Variants in GAB3 observed in about 807,000 individuals in gnomAD.
GAB3 encodes GRB2-associated-binding protein 3.
GAB3 carries 12 observed loss-of-function variants against 40.4 expected under a neutral mutation model. The observed-to-expected ratio is 0.30, with a 90% CI of 0.19 to 0.48. The LOEUF (loss-of-function observed/expected upper bound fraction) is 0.48. GAB3 is among the 20% of genes least tolerant of loss of function. The pLI, the probability that GAB3 is intolerant of heterozygous loss-of-function variation, is 0.99. For missense variants in GAB3, 381 were observed against 461.9 expected (o/e 0.82, Z 1.61); for synonymous variants, 154 against 176.7 (o/e 0.87, Z 1.02).
At chrX:154,701,107 T>C (rs1557252150) in intron 4 of GAB3, among the ~76,000 whole-genome samples, 1 of 111,849 alleles carries the variant, frequency 8.9e-6, no homozygotes, top group Non-Finnish European at 1.9e-5. Context: ...CACCATGTAT[T>C]AGCTGTATGG....
intron 1 of GAB3, among the ~76,000 whole-genome samples, chrX:154,741,424 T>C (rs1005767572): frequency 9.0e-5 from 10 of 110,985 alleles, no homozygotes; most frequent in African/African-American, 3.3e-4. Flanking sequence ...ACACCTGTAA[T>C]CCCAGCACTT....
intron 8 of GAB3, among the ~76,000 whole-genome samples, chrX:154,688,629 T>C (rs1019567321): frequency 9.0e-6 from 1 of 111,518 alleles, no homozygotes; most frequent in Admixed American, 9.6e-5. Context: ...CAAAACTCAA[T>C]GTAAGAAAAC....
chrX:154,746,069 AAAAG>A (rs1204777489), intron 1 of GAB3, among the ~76,000 whole-genome samples: 1,307 of 109,149 alleles, frequency 0.012, 23 homozygotes, highest in African/African-American at 0.041. Flanking sequence ...AAAAAAAAAA[AAAAG>A]AAAGAAAGAA....
At chrX:154,687,840 A>G (rs1005038480) in intron 8 of GAB3, among the ~76,000 whole-genome samples, 2 of 110,795 alleles carry the variant, frequency 1.8e-5, no homozygotes, top group Non-Finnish European at 1.9e-5. Flanking sequence ...ATAGGCAAAG[A>G]GACAATGGAA....
chrX:154,715,896 G>C (rs2071038545), intron 2 of GAB3, 130 bp downstream of exon 2: 1 of 618,045 alleles, frequency 1.6e-6, no homozygotes. Flanking sequence ...GGTAGGAACA[G>C]TTCTGATATA....
chrX:154,676,656 T>G lies in GAB3; in HGVS notation c.*1522A>C, dbSNP rs1156903893. On this transcript the variant is annotated 3_prime_UTR_variant, in exon 10 of 10. Coordinates refer to ENST00000424127, the MANE Select transcript of GAB3 (RefSeq NM_001081573.3). ...CTTGTATGGTCTGAAAAAAGAAGAC[T>G]TTGGCATTCACTTACCTGTGGGGTG... 2 of 112,235 alleles carry G rather than the reference T, an allele frequency of 1.8e-5. No homozygotes were observed. Among genetic ancestry groups the G allele is most frequent in the Non-Finnish European group, 3.8e-5 (2 of 53,203 alleles). The allele number at this position is 112,235 out of a possible 1,213,427, so 9.2% of individuals were successfully genotyped here. A position where few individuals can be genotyped will look rare whatever the true frequency, so the allele number is the denominator to read the frequency against.
chrX:154,707,170 AT>A (rs781788470), intron 4 of GAB3, among the ~76,000 whole-genome samples: 15 of 111,322 alleles, frequency 1.3e-4, no homozygotes, highest in African/African-American at 3.3e-4. Flanking sequence ...ATGAACACAG[AT>A]TTTTTTTGAA....
Position 154,713,537 on chromosome X carries a change from T to A in GAB3, c.377-111A>T, listed in dbSNP as rs2070990634. The A allele has an allele frequency of 2.3e-5, 13 of 556,722 alleles. No homozygotes were observed. The South Asian group carries it at 3.7e-4, about 16-fold the overall frequency. The allele number at this position is 556,722 out of a possible 1,213,427, so 45.9% of individuals were successfully genotyped here. ...CAGAAGATGCAAATCACAGCTGGTG[T>A]TTGTACTGATGGAGAAGACCATTTC... is the stretch of plus-strand genomic sequence containing the variant. On this transcript the variant is annotated intron_variant, in intron 2 of 9. Coordinates refer to ENST00000424127, the MANE Select transcript of GAB3 (RefSeq NM_001081573.3).
At chrX:154,729,391 C>A (rs1195942482) in intron 1 of GAB3, among the ~76,000 whole-genome samples, 1 of 111,696 alleles carries the variant, frequency 9.0e-6, no homozygotes, top group South Asian at 3.7e-4. Flanking sequence ...AAGAATATGA[C>A]CCAGGCCCTG....
At chrX:154,690,158 C>A (rs782118458) in intron 8 of GAB3, among the ~76,000 whole-genome samples, 14 of 108,209 alleles carry the variant, frequency 1.3e-4, no homozygotes, top group African/African-American at 4.3e-4. Flanking sequence ...GAAAAACAAG[C>A]AATGGGGAAA....
intron 1 of GAB3, among the ~76,000 whole-genome samples, chrX:154,730,633 G>T (rs782348719): frequency 4.9e-4 from 55 of 111,703 alleles, no homozygotes; most frequent in African/African-American, 1.7e-3. Flanking sequence ...CAGAAATCTG[G>T]TTAATTTTCT....
At chrX:154,704,421 A>G (rs1408386577) in intron 4 of GAB3, among the ~76,000 whole-genome samples, 1 of 111,883 alleles carries the variant, frequency 8.9e-6, no homozygotes, top group Non-Finnish European at 1.9e-5. Flanking sequence ...ATTGTTTGTA[A>G]CATGAAGAAC....
In GAB3 at chrX:154,716,192, A is replaced by G; in HGVS notation, c.210T>C (p.His70=). Residue 70 remains histidine (H), a synonymous_variant, in exon 2 of 10, where the codon CAT becomes CAC. Coordinates refer to ENST00000424127, the MANE Select transcript of GAB3 (RefSeq NM_001081573.3). ...CCTTCCGAACAAAGCTGGGGCCCAC[A>G]TGCTTCCACACTGCACACTCGCTGA... The part of the protein sequence containing the change: ...IDLSECAVWK[H]VGPSFVRKEF... The G allele has an allele frequency of 1.6e-6, 2 of 1,212,496 alleles. No individual in the cohort carries two copies. The highest frequency in any genetic ancestry group is 2.2e-6 in the Non-Finnish European group (2 of 895,629).
chrX:154,703,898 C>A (rs1335460406), intron 4 of GAB3, among the ~76,000 whole-genome samples: 3 of 111,520 alleles, frequency 2.7e-5, no homozygotes, highest in African/African-American at 9.8e-5. Context: ...GGTATATACC[C>A]CAAAGGAAGG....
At chrX:154,740,956 G>A (rs782520219) in intron 1 of GAB3, among the ~76,000 whole-genome samples, 7 of 111,627 alleles carry the variant, frequency 6.3e-5, no homozygotes, top group African/African-American at 2.0e-4. Flanking sequence ...ATGCATCCAC[G>A]GAGATATGGT....
intron 1 of GAB3, among the ~76,000 whole-genome samples, chrX:154,747,432 C>A (rs1174887314): frequency 8.9e-6 from 1 of 112,696 alleles, no homozygotes; most frequent in Admixed American, 9.3e-5. Context: ...ACAAACCTCA[C>A]AGCTTTTATA....
intron 4 of GAB3, among the ~76,000 whole-genome samples, chrX:154,708,535 A>T (rs926454482): frequency 8.9e-6 from 1 of 112,337 alleles, no homozygotes; most frequent in Non-Finnish European, 1.9e-5. Context: ...TAGCAAAAAA[A>T]CTAAATGACC....
chrX:154,693,490 G>C (rs1557249880), intron 8 of GAB3, among the ~76,000 whole-genome samples: 1 of 112,047 alleles, frequency 8.9e-6, no homozygotes, highest in Non-Finnish European at 1.9e-5. Context: ...AAAGAAGCCA[G>C]TTTTAAAAGG....
At chrX:154,698,527 A>T in intron 6 of GAB3, among the ~76,000 whole-genome samples, 1 of 112,238 alleles carries the variant, frequency 8.9e-6, no homozygotes, top group South Asian at 3.7e-4. Context: ...TTGCTTTCTA[A>T]AGGGCAAAGA....
Sources: allele counts gnomAD v4.1 joint callset (sites outside exome capture counted in the v4.1 genomes callset), GRCh38; gene constraint gnomAD v4.1.1; transcripts MANE v1.5; gene names NCBI Gene and HGNC (gene_info 2026-07-23, HGNC 2026-07-21).